LURAP1L: variants seen among roughly 807,000 people sequenced by gnomAD.
LURAP1L encodes the protein leucine rich adaptor protein 1-like.
A neutral mutation model predicts 13.8 loss-of-function variants in LURAP1L; 12 were observed. The observed-to-expected ratio is 0.87, with a 90% CI of 0.56 to 1.41. The LOEUF (loss-of-function observed/expected upper bound fraction) is 1.41. LURAP1L is among the 40% of genes most tolerant of loss of function. The probability of loss-of-function intolerance (pLI) is 0.00; values close to 1 mark genes in which losing one functional copy is unlikely to be tolerated. For missense variants in LURAP1L, 375 were observed against 292.9 expected, an observed-to-expected ratio of 1.28 and a Z score of -2.04; for synonymous variants, 139 against 119.2, an observed-to-expected ratio of 1.17 and a Z score of -1.08.
chr9:12,820,243 G>A (rs1186494174), intron 1 of LURAP1L, among the ~76,000 whole-genome samples: 3 of 151,932 alleles, frequency 2.0e-5, no homozygotes, highest in East Asian at 2.0e-4. Context: ...AGTGGCTCAC[G>A]CCTGTAATCC....
At chr9:12,800,567 G>GAA (rs1819571695) in intron 1 of LURAP1L, among the ~76,000 whole-genome samples, 2 of 151,376 alleles carry the variant, frequency 1.3e-5, no homozygotes, top group African/African-American at 4.9e-5. Flanking sequence ...GAATCAAAAA[G>GAA]AAAAAATCTC....
At chr9:12,790,039 A>C (rs1030660575) in intron 1 of LURAP1L, among the ~76,000 whole-genome samples, 6 of 152,174 alleles carry the variant, frequency 3.9e-5, no homozygotes, top group Non-Finnish European at 7.4e-5. Flanking sequence ...TCACACTGTA[A>C]AACTTAATGA....
intron 1 of LURAP1L, chr9:12,777,711 C>A (rs1819210565): frequency 2.7e-6 from 1 of 368,290 alleles, no homozygotes; most frequent in Non-Finnish European, 3.8e-6. Context: ...TGAACCCCAC[C>A]CTGTCCCAAG....
chr9:12,778,885 G>T (rs898561176), intron 1 of LURAP1L, among the ~76,000 whole-genome samples: 2 of 152,206 alleles, frequency 1.3e-5, no homozygotes, highest in Non-Finnish European at 2.9e-5. Flanking sequence ...ATCCATGGGA[G>T]ATATGTTCCA....
At chr9:12,798,907 G>A (rs1057469718) in intron 1 of LURAP1L, among the ~76,000 whole-genome samples, 7 of 152,096 alleles carry the variant, frequency 4.6e-5, no homozygotes, top group African/African-American at 1.7e-4. Context: ...ATATAATAGG[G>A]TAGAATCATT....
At chr9:12,799,356 A>T (rs750755240) in intron 1 of LURAP1L, among the ~76,000 whole-genome samples, 1 of 152,218 alleles carries the variant, frequency 6.6e-6, no homozygotes, top group African/African-American at 2.4e-5. Flanking sequence ...TTCAATGCAC[A>T]TATGTAATTT....
At chr9:12,801,226 A>C (rs1398212767) in intron 1 of LURAP1L, among the ~76,000 whole-genome samples, 1 of 151,990 alleles carries the variant, frequency 6.6e-6, no homozygotes, top group African/African-American at 2.4e-5. Context: ...AAGAGCATCC[A>C]ACCTCTCCAC....
intron 1 of LURAP1L, among the ~76,000 whole-genome samples, chr9:12,793,013 C>T (rs1819464241): frequency 6.6e-6 from 1 of 151,932 alleles, no homozygotes; most frequent in African/African-American, 2.4e-5. Flanking sequence ...GTGTTTTTGT[C>T]AGTCTGGAAA....
chr9:12,807,027 A>ACT (rs1563896047), intron 1 of LURAP1L, among the ~76,000 whole-genome samples: 6 of 121,376 alleles, frequency 4.9e-5, no homozygotes, highest in African/African-American at 9.4e-5. Flanking sequence ...TCTCAAAAAA[A>ACT]AAAAAAAAAA....
At chr9:12,786,547 C>CTATATATATATATATATATATAT (rs1554657226) in intron 1 of LURAP1L, among the ~76,000 whole-genome samples, 2 of 53,006 alleles carry the variant, frequency 3.8e-5, no homozygotes, top group Non-Finnish European at 6.7e-5. Context: ...ATATATATGA[C>CTATATATATATATATATATATAT]ATATATATAT....
intron 1 of LURAP1L, among the ~76,000 whole-genome samples, chr9:12,783,390 GTTT>G (rs1819302313): frequency 6.6e-6 from 1 of 151,902 alleles, no homozygotes; most frequent in Non-Finnish European, 1.5e-5. Context: ...TCTATACCCA[GTTT>G]TTTGAGTTTT....
At chr9:12,776,118 A>G in intron 1 of LURAP1L, 91 bp downstream of exon 1, 1 of 1,317,710 alleles carries the variant, frequency 7.6e-7, no homozygotes, top group Non-Finnish European at 1.1e-6. Context: ...AGAGGACGGC[A>G]GGGGCTGCAG....
chr9:12,814,892 G>A (rs1762059648), intron 1 of LURAP1L, among the ~76,000 whole-genome samples: 2 of 152,196 alleles, frequency 1.3e-5, no homozygotes, highest in Admixed American at 6.5e-5. Context: ...TGACTGATGT[G>A]AAAGGGAATC....
intron 1 of LURAP1L, among the ~76,000 whole-genome samples, chr9:12,794,548 C>T (rs1225121815): frequency 1.3e-5 from 2 of 152,070 alleles, no homozygotes. Context: ...GGTTCATACA[C>T]TTGGAAATGA....
intron 1 of LURAP1L, among the ~76,000 whole-genome samples, chr9:12,794,247 A>G (rs1443465009): frequency 6.6e-6 from 1 of 152,122 alleles, no homozygotes; most frequent in Non-Finnish European, 1.5e-5. Flanking sequence ...AAGTCCAAAC[A>G]TCATTACTGA....
At chr9:12,812,683 G>C (rs1375546812) in intron 1 of LURAP1L, among the ~76,000 whole-genome samples, 1 of 152,120 alleles carries the variant, frequency 6.6e-6, no homozygotes, top group Non-Finnish European at 1.5e-5. Flanking sequence ...GAGTAGAAAA[G>C]ATGTCAGGAA....
intron 1 of LURAP1L, among the ~76,000 whole-genome samples, chr9:12,788,297 G>T (rs1397974500): frequency 6.6e-6 from 1 of 152,074 alleles, no homozygotes; most frequent in African/African-American, 2.4e-5. Flanking sequence ...AAAGAATGAT[G>T]ATGCCTTGCC....
At chr9:12,791,035 C>T (rs1819434047) in intron 1 of LURAP1L, among the ~76,000 whole-genome samples, 1 of 152,084 alleles carries the variant, frequency 6.6e-6, no homozygotes, top group South Asian at 2.1e-4. Flanking sequence ...GCACAGCCCT[C>T]AGTATAGACT....
chr9:12,784,345 G>A (rs535965935), intron 1 of LURAP1L, among the ~76,000 whole-genome samples: 2 of 152,244 alleles, frequency 1.3e-5, no homozygotes, highest in African/African-American at 4.8e-5. Flanking sequence ...TCTTGGGAAG[G>A]CTTTAAAGAA....
Sources: gnomAD v4.1 joint callset for allele counts (sites outside exome capture counted in the v4.1 genomes callset) on GRCh38, gnomAD v4.1.1 for gene constraint, MANE v1.5 for transcripts, NCBI Gene and HGNC (gene_info 2026-07-23, HGNC 2026-07-21) for gene names.